Variants in CADM2 observed in about 807,000 individuals in gnomAD.
CADM2 encodes immunoglobulin superfamily member 4D.
A neutral mutation model predicts 49.8 loss-of-function variants in CADM2; 12 were observed. The observed-to-expected ratio is 0.24, with a 90% CI of 0.15 to 0.39. CADM2 has a LOEUF of 0.39. Ranked by LOEUF, CADM2 falls within the 10% of genes least tolerant of loss-of-function variation. CADM2 has a pLI of 1.00. For synonymous variants in CADM2, 214 were observed against 175.4 expected, an observed-to-expected ratio of 1.22 and a Z score of -1.74; for missense variants, 378 against 492.3, an observed-to-expected ratio of 0.77 and a Z score of 2.20.
chr3:85,677,985 A>G (rs1437978985), intron 1 of CADM2, among the ~76,000 whole-genome samples: 1 of 152,238 alleles, frequency 6.6e-6, no homozygotes, highest in Non-Finnish European at 1.5e-5. Context: ...GCCTACAACT[A>G]TGGTTGGAGG....
chr3:85,155,850 T>C (rs1332090699), intron 1 of CADM2, among the ~76,000 whole-genome samples: 1 of 152,112 alleles, frequency 6.6e-6, no homozygotes, highest in Non-Finnish European at 1.5e-5. Context: ...ACTGGGTACA[T>C]AACGAAATGA....
At chr3:85,840,401 A>G (rs1577447460) in intron 3 of CADM2, among the ~76,000 whole-genome samples, 2 of 151,924 alleles carry the variant, frequency 1.3e-5, no homozygotes, top group East Asian at 3.9e-4. Context: ...ACAATACTAA[A>G]TTGTGGTAAC....
chr3:86,041,304 A>C (rs1303219578), intron 8 of CADM2, among the ~76,000 whole-genome samples: 2 of 152,208 alleles, frequency 1.3e-5, no homozygotes, highest in East Asian at 3.9e-4. Context: ...ATAAAGAGTC[A>C]AGACCCATCA....
intron 1 of CADM2, among the ~76,000 whole-genome samples, chr3:85,573,737 G>C (rs968720749): frequency 6.6e-6 from 1 of 152,036 alleles, no homozygotes; most frequent in African/African-American, 2.4e-5. Context: ...ATTCACAGTG[G>C]CTTGTTGAAA....
At chr3:85,107,658 T>TC in intron 1 of CADM2, among the ~76,000 whole-genome samples, 3 of 148,402 alleles carry the variant, frequency 2.0e-5, no homozygotes, top group Non-Finnish European at 3.0e-5. Flanking sequence ...TTTCTTTCTT[T>TC]TTTTCCTTCC....
At chr3:85,236,569 T>G (rs1388581146) in intron 1 of CADM2, among the ~76,000 whole-genome samples, 1 of 152,114 alleles carries the variant, frequency 6.6e-6, no homozygotes, top group Non-Finnish European at 1.5e-5. Flanking sequence ...ACTTATTAAC[T>G]TTTGTGATGA....
intron 1 of CADM2, among the ~76,000 whole-genome samples, chr3:85,306,573 A>G (rs1405526622): frequency 1.3e-5 from 2 of 151,756 alleles, no homozygotes; most frequent in African/African-American, 4.8e-5. Flanking sequence ...AAACTCATTC[A>G]AGCCACTGTT....
chr3:85,005,567 A>G (rs2107231179), intron 1 of CADM2, among the ~76,000 whole-genome samples: 1 of 152,252 alleles, frequency 6.6e-6, no homozygotes, highest in South Asian at 2.1e-4. Context: ...TCCACTAGAC[A>G]ATTAAAATAA....
intron 1 of CADM2, among the ~76,000 whole-genome samples, chr3:85,336,591 C>T (rs2107173676): frequency 6.6e-6 from 1 of 150,964 alleles, no homozygotes; most frequent in East Asian, 1.9e-4. Flanking sequence ...TGTCAACTAT[C>T]AATTTGGACT....
chr3:85,429,124 A>G (rs992674762), intron 1 of CADM2, among the ~76,000 whole-genome samples: 1 of 152,084 alleles, frequency 6.6e-6, no homozygotes, highest in African/African-American at 2.4e-5. Context: ...GAAGCAGCAA[A>G]TAAATAATGA....
intron 1 of CADM2, among the ~76,000 whole-genome samples, chr3:85,301,610 T>C (rs1339093512): frequency 6.6e-6 from 1 of 152,044 alleles, no homozygotes; most frequent in Non-Finnish European, 1.5e-5. Flanking sequence ...GGGGCTGACT[T>C]CACATGTGAT....
intron 1 of CADM2, among the ~76,000 whole-genome samples, chr3:85,360,106 A>C (rs1226837446): frequency 6.6e-6 from 1 of 151,998 alleles, no homozygotes; most frequent in African/African-American, 2.4e-5. Context: ...GAAAATATCA[A>C]ATAGAATGTC....
intron 8 of CADM2, among the ~76,000 whole-genome samples, chr3:85,972,336 CA>C (rs1726259468): frequency 1.3e-5 from 2 of 151,452 alleles, no homozygotes; most frequent in African/African-American, 2.4e-5. Context: ...TACCTTTCAC[CA>C]AAAAAGACAC....
At chr3:85,754,939 G>A (rs560933443) in intron 2 of CADM2, among the ~76,000 whole-genome samples, 3 of 152,128 alleles carry the variant, frequency 2.0e-5, no homozygotes, top group South Asian at 2.1e-4. Context: ...AAGGTAAAAC[G>A]TATTGATTTA....
At chr3:85,743,188 G>T (rs1381955218) in intron 2 of CADM2, among the ~76,000 whole-genome samples, 2 of 151,822 alleles carry the variant, frequency 1.3e-5, no homozygotes, top group Middle Eastern at 3.4e-3. Context: ...AGCCTACTGT[G>T]CTTCTTCATC....
Position 85,540,275 on chromosome 3 carries a change from A to C in CADM2, c.62-186247A>C, listed in dbSNP as rs1364777372. Among the ~76,000 whole-genome samples the C allele has an allele frequency of 2.6e-5, 4 of 152,128 alleles. No individual in the cohort carries two copies. The East Asian group carries it at 7.7e-4, about 29-fold the overall frequency. ...TAAATCTCTTTTAATTACCAAGGAC[A>C]AACACACCAGAGCCTCTTAACAGTA... On this transcript the variant is annotated intron_variant, in intron 1 of 9. Coordinates refer to ENST00000383699, the MANE Select transcript of CADM2 (RefSeq NM_001167675.2).
At chr3:85,344,379 CAAAA>C (rs2030324783) in intron 1 of CADM2, among the ~76,000 whole-genome samples, 1 of 78,558 alleles carries the variant, frequency 1.3e-5, no homozygotes. Flanking sequence ...GACACCATCT[CAAAA>C]TAAATAAATA....
intron 2 of CADM2, among the ~76,000 whole-genome samples, chr3:85,783,097 T>C (rs2108000542): frequency 6.6e-6 from 1 of 152,298 alleles, no homozygotes; most frequent in South Asian, 2.1e-4. Context: ...TTAGGTAGTT[T>C]TTCTATTCAT....
intron 1 of CADM2, among the ~76,000 whole-genome samples, chr3:85,430,816 C>A (rs2036628528): frequency 6.6e-6 from 1 of 151,820 alleles, no homozygotes; most frequent in Non-Finnish European, 1.5e-5. Flanking sequence ...TGCAAACACT[C>A]CAGCTGGAAA....
Sources: gnomAD v4.1 joint callset for allele counts (sites outside exome capture counted in the v4.1 genomes callset) on GRCh38, gnomAD v4.1.1 for gene constraint, MANE v1.5 for transcripts, NCBI Gene and HGNC (gene_info 2026-07-23, HGNC 2026-07-21) for gene names.